The following TATDN1 variants were observed in gnomAD, a reference collection of about 807,000 sequenced individuals.
The protein encoded by TATDN1 is deoxyribonuclease TATDN1.
Under a neutral mutation model 46.4 loss-of-function variants are expected in TATDN1, and 40 were observed. That is an observed-to-expected ratio of 0.86 (90% CI 0.67 to 1.12). The LOEUF (loss-of-function observed/expected upper bound fraction) is 1.12, where lower values mean the gene tolerates loss of function less well. Ranked by LOEUF, TATDN1 falls within the 50% of genes most tolerant of loss-of-function variation. The pLI is 0.00. For missense variants in TATDN1, 326 were observed against 348.4 expected (o/e 0.94, Z 0.51); for synonymous variants, 95 against 105.6 (o/e 0.90, Z 0.62).
intron 11 of TATDN1, chr8:124,491,227 A>AT (rs1816966631): frequency 6.6e-6 from 1 of 152,210 alleles, no homozygotes; most frequent in Admixed American, 6.5e-5. Context: ...TAGTGATAAA[A>AT]TCTAAGCAAA....
At chr8:124,530,903 G>A (rs560651400) in intron 1 of TATDN1, among the ~76,000 whole-genome samples, 2 of 152,104 alleles carry the variant, frequency 1.3e-5, no homozygotes, top group African/African-American at 2.4e-5. Flanking sequence ...CTGAAGTCTC[G>A]TGTAGAGACT....
At chr8:124,524,426 T>G (rs1011474082) in intron 1 of TATDN1, among the ~76,000 whole-genome samples, 5 of 152,156 alleles carry the variant, frequency 3.3e-5, no homozygotes, top group African/African-American at 1.2e-4. Context: ...CTAGTTTCTT[T>G]ATAAGTAAGT....
chr8:124,516,138 G>T, intron 4 of TATDN1, 108 bp from the exon 5 acceptor site: 1 of 927,246 alleles, frequency 1.1e-6, no homozygotes, highest in Non-Finnish European at 1.5e-6. Context: ...TTCAACAATG[G>T]CAATAAATTA....
chr8:124,494,020 A>G (rs1245032618), intron 10 of TATDN1, 61 bp from the exon 11 acceptor site: 2 of 1,471,810 alleles, frequency 1.4e-6, no homozygotes, highest in Non-Finnish European at 1.8e-6. Context: ...TTTTATGACC[A>G]TTATCTAATA....
At chr8:124,530,015 C>T (rs1470493776) in intron 1 of TATDN1, among the ~76,000 whole-genome samples, 2 of 151,922 alleles carry the variant, frequency 1.3e-5, no homozygotes, top group East Asian at 1.9e-4. Flanking sequence ...CGCTTGAACC[C>T]GGGAGGCGGA....
intron 6 of TATDN1, among the ~76,000 whole-genome samples, chr8:124,510,195 A>T (rs1008061724): frequency 6.6e-6 from 1 of 152,150 alleles, no homozygotes; most frequent in African/African-American, 2.4e-5. Context: ...AAGTGCTGAA[A>T]TTTTGCAGTG....
chr8:124,526,343 A>G (rs551703314), intron 1 of TATDN1, among the ~76,000 whole-genome samples: 1 of 152,380 alleles, frequency 6.6e-6, no homozygotes, highest in South Asian at 2.1e-4. Context: ...TGACAATAGT[A>G]TCTTTTAAAT....
At chr8:124,493,106 T>C (rs1200950513) in intron 11 of TATDN1, among the ~76,000 whole-genome samples, 1 of 152,238 alleles carries the variant, frequency 6.6e-6, no homozygotes, top group Non-Finnish European at 1.5e-5. Flanking sequence ...AAAAAGATGG[T>C]GCATATGCAA....
intron 1 of TATDN1, among the ~76,000 whole-genome samples, chr8:124,534,195 A>G (rs989838507): frequency 6.7e-5 from 10 of 149,218 alleles, no homozygotes; most frequent in Non-Finnish European, 1.2e-4. Context: ...GCGCTAGAGC[A>G]AGGGATTGGT....
At chr8:124,507,461 A>C (rs557953747) in intron 8 of TATDN1, among the ~76,000 whole-genome samples, 1 of 152,356 alleles carries the variant, frequency 6.6e-6, no homozygotes. Context: ...GAAGAGACGA[A>C]GAATATCATG....
intron 1 of TATDN1, among the ~76,000 whole-genome samples, chr8:124,526,038 T>C (rs1458433065): frequency 6.6e-6 from 1 of 152,222 alleles, no homozygotes; most frequent in Non-Finnish European, 1.5e-5. Context: ...CCGCTTGCTA[T>C]GTGGGCTCTA....
At chr8:124,499,846 C>T (rs1293506412) in intron 9 of TATDN1, among the ~76,000 whole-genome samples, 1 of 150,800 alleles carries the variant, frequency 6.6e-6, no homozygotes, top group Non-Finnish European at 1.5e-5. Context: ...GCCCGGCCCC[C>T]ATGTTCTTTT....
intron 3 of TATDN1, among the ~76,000 whole-genome samples, chr8:124,521,109 T>G (rs1820009543): frequency 6.6e-6 from 1 of 152,168 alleles, no homozygotes; most frequent in African/African-American, 2.4e-5. Flanking sequence ...ACTATTATCA[T>G]TCTCATTTTA....
chr8:124,508,742 G>T, intron 6 of TATDN1, 54 bp from the exon 7 acceptor site: 1 of 1,158,474 alleles, frequency 8.6e-7, no homozygotes, highest in Non-Finnish European at 1.2e-6. Flanking sequence ...TTAGCATGAG[G>T]AAGGTAATGA....
At chr8:124,519,549 C>T (rs1586645696) in intron 3 of TATDN1, among the ~76,000 whole-genome samples, 1 of 151,966 alleles carries the variant, frequency 6.6e-6, no homozygotes, top group South Asian at 2.1e-4. Flanking sequence ...TTTATGTTAT[C>T]CAGTAGTTTC....
At chr8:124,497,476 GGGGTTTCACCATGTTGGCCAGGCT>G (rs1374480243) in intron 9 of TATDN1, among the ~76,000 whole-genome samples, 1 of 151,782 alleles carries the variant, frequency 6.6e-6, no homozygotes, top group Non-Finnish European at 1.5e-5. Context: ...AGTAGAGAGG[GGGGTTTCACCATGTTGGCCAGGCT>G]GGTCTCGAAC....
intron 1 of TATDN1, chr8:124,538,273 A>G (rs1172844191): frequency 1.3e-5 from 2 of 152,324 alleles, no homozygotes; most frequent in African/African-American, 4.8e-5. Context: ...AGCTCTTGAA[A>G]TGCTTCCCTA....
chr8:124,507,757 G>A (rs1328535658), intron 8 of TATDN1, among the ~76,000 whole-genome samples: 15 of 145,852 alleles, frequency 1.0e-4, no homozygotes, highest in Non-Finnish European at 4.5e-5. Flanking sequence ...CAGCCTGGAT[G>A]ACAGAGCCAG....
chr8:124,493,774 A>T (rs1237472501), intron 11 of TATDN1, 59 bp downstream of exon 11: 5 of 1,533,670 alleles, frequency 3.3e-6, no homozygotes, highest in Non-Finnish European at 4.4e-6. Context: ...CGTTAATTTT[A>T]TAAGTGGCAT....
Sources: allele counts gnomAD v4.1 joint callset (sites outside exome capture counted in the v4.1 genomes callset), GRCh38; gene constraint gnomAD v4.1.1; transcripts MANE v1.5; gene names NCBI Gene and HGNC (gene_info 2026-07-23, HGNC 2026-07-21).